KIAA1217: variants seen among roughly 807,000 people sequenced by gnomAD.
KIAA1217 encodes the protein sickle tail protein homolog.
In KIAA1217, 88 loss-of-function variants were observed where a neutral mutation model predicts 163.9. The ratio of observed to expected loss-of-function variants is 0.54; its 90% CI spans 0.45 to 0.64. The LOEUF is 0.64. Ranked by LOEUF, KIAA1217 falls within the 30% of genes least tolerant of loss-of-function variation. KIAA1217 has a pLI of 0.00. For synonymous variants in KIAA1217, 903 were observed against 923.1 expected (o/e 0.98, Z 0.39); for missense variants, 2,372 against 2,475.0 (o/e 0.96, Z 0.88).
chr10:23,723,317 G>T (rs1837965018), intron 1 of KIAA1217, among the ~76,000 whole-genome samples: 1 of 151,926 alleles, frequency 6.6e-6, no homozygotes, highest in Admixed American at 6.6e-5. Context: ...ACTGTGAGCT[G>T]CTCCTTCTGG....
intron 2 of KIAA1217, among the ~76,000 whole-genome samples, chr10:24,282,961 G>A (rs891372636): frequency 2.0e-5 from 3 of 150,114 alleles, no homozygotes; most frequent in African/African-American, 7.3e-5. Context: ...AGCCTCCCGA[G>A]TAACTGGGAT....
chr10:24,371,139 T>G (rs1171265573), intron 2 of KIAA1217, among the ~76,000 whole-genome samples: 4 of 152,136 alleles, frequency 2.6e-5, no homozygotes, highest in African/African-American at 9.7e-5. Flanking sequence ...TGAGGTGGTA[T>G]TTCAGTAGAG....
upstream of KIAA1217, among the ~76,000 whole-genome samples, chr10:24,204,093 T>C (rs1040388643): frequency 1.3e-5 from 2 of 152,254 alleles, no homozygotes; most frequent in African/African-American, 2.4e-5. Flanking sequence ...ATTGGATCTA[T>C]GTGTAGTTTC....
chr10:23,774,538 C>T (rs762738789), intron 1 of KIAA1217, among the ~76,000 whole-genome samples: 1 of 152,186 alleles, frequency 6.6e-6, no homozygotes, highest in African/African-American at 2.4e-5. Context: ...CTGTGCAGAC[C>T]TCCTCTACTG....
At chr10:24,161,676 C>T (rs373210207) in intron 2 of KIAA1217, among the ~76,000 whole-genome samples, 1 of 152,194 alleles carries the variant, frequency 6.6e-6, no homozygotes, top group African/African-American at 2.4e-5. Flanking sequence ...GTTGAGTTGA[C>T]GCTGTTACCA....
intron 1 of KIAA1217, among the ~76,000 whole-genome samples, chr10:23,802,463 T>A (rs752887562): frequency 6.6e-5 from 10 of 152,232 alleles, no homozygotes; most frequent in Non-Finnish European, 1.2e-4. Flanking sequence ...ATCTATCTAA[T>A]CTATTGACCT....
At chr10:23,861,068 G>T (rs577715998) in intron 1 of KIAA1217, among the ~76,000 whole-genome samples, 1 of 151,612 alleles carries the variant, frequency 6.6e-6, no homozygotes, top group Non-Finnish European at 1.5e-5. Context: ...ACACACCACC[G>T]TGACTGGCTA....
At position 24,367,214 on chromosome 10, in the gene KIAA1217, T is replaced by A. The variant is rs376294256; in HGVS notation, c.355-13655T>A. 1.1e-4 allele frequency: 104 copies of A among 964,646 alleles called. No individual in the cohort carries two copies. The Middle Eastern group carries it at 1.6e-3, about 15-fold the overall frequency. 59.8% of individuals were successfully genotyped at this position (964,646 alleles called of 1,614,324 possible). On this transcript the variant is annotated intron_variant, in intron 2 of 20. Transcript: ENST00000376454. The stretch of plus-strand genomic sequence containing the variant: ...CGTCTCAGCGAGTTAGTACTCTACC[T>A]GTTCTTTTTCTGCATCGAGTTGCAC...
At chr10:23,927,811 T>C (rs1047899863) in intron 1 of KIAA1217, among the ~76,000 whole-genome samples, 3 of 152,160 alleles carry the variant, frequency 2.0e-5, no homozygotes, top group Non-Finnish European at 2.9e-5. Flanking sequence ...AGTAAGATTC[T>C]TTTTCAGGCT....
At chr10:23,780,757 C>T (rs930873424) in intron 1 of KIAA1217, among the ~76,000 whole-genome samples, 9 of 152,032 alleles carry the variant, frequency 5.9e-5, no homozygotes, top group African/African-American at 1.2e-4. Flanking sequence ...CTCAGCTCAC[C>T]GCAACCTCCG....
At chr10:24,153,545 C>T (rs2064724332) in intron 2 of KIAA1217, among the ~76,000 whole-genome samples, 1 of 152,096 alleles carries the variant, frequency 6.6e-6, no homozygotes, top group Admixed American at 6.5e-5. Flanking sequence ...TATAGAGAGC[C>T]GGAGACCGAG....
intron 4 of KIAA1217, among the ~76,000 whole-genome samples, chr10:24,436,275 A>C (rs79886525): frequency 0.074 from 11,286 of 152,266 alleles, 603 homozygotes; most frequent in East Asian, 0.15. Flanking sequence ...TTTAAATAAA[A>C]AAAAGAACCT....
chr10:24,266,824 C>A (rs547000550), intron 2 of KIAA1217, among the ~76,000 whole-genome samples: 2 of 152,348 alleles, frequency 1.3e-5, no homozygotes, highest in East Asian at 3.9e-4. Flanking sequence ...TAGTGGCAAC[C>A]CGCTCGGTCC....
chr10:23,794,697 A>G (rs955935222), intron 1 of KIAA1217, among the ~76,000 whole-genome samples: 2 of 152,254 alleles, frequency 1.3e-5, no homozygotes, highest in African/African-American at 4.8e-5. Flanking sequence ...GAATAAACCT[A>G]ACCTCTATGA....
At chr10:24,336,343 C>T (rs2046356641) in intron 2 of KIAA1217, among the ~76,000 whole-genome samples, 1 of 152,210 alleles carries the variant, frequency 6.6e-6, no homozygotes, top group Non-Finnish European at 1.5e-5. Context: ...TGGTAGACAA[C>T]ACAAAATTCA....
At chr10:24,091,391 A>T (rs1379410912) in intron 2 of KIAA1217, among the ~76,000 whole-genome samples, 1 of 151,982 alleles carries the variant, frequency 6.6e-6, no homozygotes, top group African/African-American at 2.4e-5. Flanking sequence ...CAGATGGAAT[A>T]TAGGGAGAAA....
intron 2 of KIAA1217, among the ~76,000 whole-genome samples, chr10:24,162,309 C>G (rs970725080): frequency 6.6e-6 from 1 of 152,230 alleles, no homozygotes; most frequent in African/African-American, 2.4e-5. Flanking sequence ...TTTGTATTCA[C>G]TACTCTCTGT....
intron 1 of KIAA1217, among the ~76,000 whole-genome samples, chr10:23,994,444 G>A (rs1846374169): frequency 6.6e-6 from 1 of 152,164 alleles, no homozygotes; most frequent in South Asian, 2.1e-4. Context: ...TGGGTTCTCC[G>A]GATGGAGTCC....
chr10:24,524,356 C>T lies in KIAA1217; in HGVS notation c.2490C>T (p.Asp830=), dbSNP rs138527418. Residue 830 remains aspartate, a synonymous_variant, in exon 13 of 21, where the codon GAC becomes GAT. Transcript: ENST00000376454. ...HVTDGLLKGT[D]AAQAAQYMAM... ...CTGATGGGCTCCTGAAAGGCACGGA[C>T]GCAGCCCAAGCCGCACAGTACATGG... is the stretch of plus-strand genomic sequence containing the variant. 327 of 1,612,666 alleles carry T rather than the reference C, an allele frequency of 2.0e-4. 2 individuals are homozygous for T. The Middle Eastern group carries it at 5.1e-3, about 25-fold the overall frequency.
Sources: gnomAD v4.1 joint callset for allele counts (sites outside exome capture counted in the v4.1 genomes callset) on GRCh38, gnomAD v4.1.1 for gene constraint, MANE v1.5 for transcripts, NCBI Gene and HGNC (gene_info 2026-07-23, HGNC 2026-07-21) for gene names.